The following ARHGEF4 variants were observed in gnomAD, a reference collection of about 807,000 sequenced individuals.
ARHGEF4 encodes Rho guanine nucleotide exchange factor 4.
ARHGEF4 carries 119 observed loss-of-function variants against 162.0 expected under a neutral mutation model. The ratio of observed to expected loss-of-function variants is 0.73; its 90% CI spans 0.63 to 0.86. The LOEUF is 0.86. Ranked by LOEUF, ARHGEF4 falls within the 40% of genes least tolerant of loss-of-function variation. The probability of loss-of-function intolerance (pLI) is 0.00; values close to 1 mark genes in which losing one functional copy is unlikely to be tolerated. For synonymous variants in ARHGEF4, 1,014 were observed against 979.9 expected (o/e 1.03, Z -0.65); for missense variants, 2,488 against 2,456.0 (o/e 1.01, Z -0.28).
In ARHGEF4 at chr2:130,917,540, G is replaced by A. The variant is rs753287449; in HGVS notation, c.3552+42G>A. On this transcript the variant is annotated intron_variant, in intron 2 of 13. Coordinates refer to ENST00000409359, the MANE Select transcript of ARHGEF4 (RefSeq NM_001367493.1). ...CACCAAGCCTTTCCTGACCTCTGCA[G>A]GCAAGAGAAGGAGGGGAGCAGGCGG... 587 of 1,500,928 alleles carry A rather than the reference G, an allele frequency of 3.9e-4. 2 individuals carry two copies. Among genetic ancestry groups the A allele is most frequent in the Non-Finnish European group, 3.3e-4 (368 of 1,125,592 alleles). 93.0% of individuals were successfully genotyped at this position (1,500,928 alleles called of 1,614,324 possible).
chr2:131,004,146 G>A (rs1211006114), intron 4 of ARHGEF4, among the ~76,000 whole-genome samples: 1 of 152,098 alleles, frequency 6.6e-6, no homozygotes, highest in Non-Finnish European at 1.5e-5. Flanking sequence ...AGGAATCTCT[G>A]TTAGTTGGTG....
At chr2:130,887,297 C>T (rs1389696947) in intron 1 of ARHGEF4, among the ~76,000 whole-genome samples, 1 of 151,628 alleles carries the variant, frequency 6.6e-6, no homozygotes, top group African/African-American at 2.4e-5. Flanking sequence ...TGCCCTTGCA[C>T]TCCAGCCTGG....
intron 2 of ARHGEF4, among the ~76,000 whole-genome samples, chr2:130,925,534 C>T (rs552196145): frequency 2.0e-5 from 3 of 151,802 alleles, no homozygotes; most frequent in South Asian, 4.2e-4. Flanking sequence ...TTCTCTCATT[C>T]TTCCTTTCTT....
chr2:130,936,563 AC>A (rs1299812727), intron 3 of ARHGEF4, among the ~76,000 whole-genome samples: 1 of 151,856 alleles, frequency 6.6e-6, no homozygotes, highest in Admixed American at 6.6e-5. Context: ...CTTCTGCTGA[AC>A]CTTTTTTTTC....
chr2:130,959,789 A>G (rs1315904952), intron 4 of ARHGEF4, among the ~76,000 whole-genome samples: 1 of 152,236 alleles, frequency 6.6e-6, no homozygotes, highest in Non-Finnish European at 1.5e-5. Flanking sequence ...TTGAACCCAC[A>G]TCACTCTGGC....
At chr2:130,901,445 GT>G (rs1680483532) in intron 1 of ARHGEF4, among the ~76,000 whole-genome samples, 1 of 152,036 alleles carries the variant, frequency 6.6e-6, no homozygotes, top group Admixed American at 6.5e-5. Flanking sequence ...AAGAGAGTCT[GT>G]TTGGCATCCA....
chr2:130,971,942 T>A (rs1253968958), intron 4 of ARHGEF4, among the ~76,000 whole-genome samples: 1 of 152,178 alleles, frequency 6.6e-6, no homozygotes, highest in Non-Finnish European at 1.5e-5. Context: ...CTTTCCTAAG[T>A]AAAATCTATA....
At chr2:130,899,868 G>A (rs1242100309) in intron 1 of ARHGEF4, among the ~76,000 whole-genome samples, 1 of 152,230 alleles carries the variant, frequency 6.6e-6, no homozygotes, top group Non-Finnish European at 1.5e-5. Context: ...GAGCAGTGGA[G>A]AAGCTTAGGT....
intron 4 of ARHGEF4, among the ~76,000 whole-genome samples, chr2:131,015,702 C>T (rs1456196001): frequency 6.6e-6 from 1 of 152,252 alleles, no homozygotes; most frequent in Non-Finnish European, 1.5e-5. Context: ...GCCTAGCGAA[C>T]ATGGCAAAAC....
At chr2:131,008,223 C>A (rs572076807) in intron 4 of ARHGEF4, among the ~76,000 whole-genome samples, 1 of 152,194 alleles carries the variant, frequency 6.6e-6, no homozygotes, top group South Asian at 2.1e-4. Flanking sequence ...TAATATTTTT[C>A]TATTAGAATC....
Position 131,043,492 on chromosome 2 carries a change from C to A in ARHGEF4, c.5066C>A (p.Ser1689Ter). The change falls in exon 11 of 14, where the codon TCG becomes TAG. Residue 1689 changes from serine to a stop codon, truncating the protein, a stop_gained. Coordinates refer to ENST00000409359, the MANE Select transcript of ARHGEF4 (RefSeq NM_001367493.1). LOFTEE classifies it high-confidence loss of function. ...GTCAGGAGCTCAGAACTCATCTACT[C>A]GGGGGAGCTGACTCGAGTTACACAG... ...LLVRSSELIY[S>*]GELTRVTQPQ... 1.9e-6 allele frequency: 3 copies of A among 1,614,036 alleles called. No homozygotes were observed. Among genetic ancestry groups the A allele is most frequent in the Non-Finnish European group, 2.5e-6 (3 of 1,180,020 alleles).
At chr2:130,881,410 G>A (rs1444478459) in intron 1 of ARHGEF4, among the ~76,000 whole-genome samples, 1 of 152,206 alleles carries the variant, frequency 6.6e-6, no homozygotes, top group Non-Finnish European at 1.5e-5. Flanking sequence ...TAAGATTAGT[G>A]TTGGGGGAGA....
intron 3 of ARHGEF4, among the ~76,000 whole-genome samples, chr2:130,939,949 C>A (rs1683190343): frequency 6.6e-6 from 1 of 152,164 alleles, no homozygotes; most frequent in Non-Finnish European, 1.5e-5. Flanking sequence ...TGTGACTCTG[C>A]TGAATTCATT....
chr2:130,912,811 C>T (rs1334667954), intron 1 of ARHGEF4, among the ~76,000 whole-genome samples: 1 of 152,186 alleles, frequency 6.6e-6, no homozygotes, highest in Non-Finnish European at 1.5e-5. Context: ...CCCAAAAGAA[C>T]ATTCAATAGT....
chr2:130,867,564 T>C (rs139248298), intron 1 of ARHGEF4, among the ~76,000 whole-genome samples: 3 of 152,178 alleles, frequency 2.0e-5, no homozygotes, highest in Non-Finnish European at 4.4e-5. Flanking sequence ...TTTCATTCAG[T>C]TCAAAATATT....
chr2:131,030,479 G>T (rs755104921), intron 5 of ARHGEF4, among the ~76,000 whole-genome samples: 9 of 152,206 alleles, frequency 5.9e-5, no homozygotes, highest in Non-Finnish European at 1.2e-4. Flanking sequence ...TTGCTGCTTT[G>T]CCTTAACGTT....
intron 9 of ARHGEF4, 157 bp downstream of exon 9, chr2:131,041,619 G>A: frequency 9.2e-7 from 1 of 1,087,526 alleles, no homozygotes; most frequent in Non-Finnish European, 1.3e-6. Flanking sequence ...GGGGGAAGAG[G>A]ATGCCAACAG....
intron 4 of ARHGEF4, among the ~76,000 whole-genome samples, chr2:130,966,601 T>C (rs1685019809): frequency 1.3e-5 from 2 of 152,218 alleles, no homozygotes; most frequent in East Asian, 3.9e-4. Context: ...CAGGCCCGGC[T>C]GGATGTAACG....
chr2:131,038,399 G>T (rs1690466325), intron 5 of ARHGEF4, among the ~76,000 whole-genome samples: 1 of 145,426 alleles, frequency 6.9e-6, no homozygotes, highest in Non-Finnish European at 1.5e-5. Context: ...CAGCCTTGCA[G>T]CCCTCAGCCT....
Sources: gnomAD v4.1 joint callset for allele counts (sites outside exome capture counted in the v4.1 genomes callset) on GRCh38, gnomAD v4.1.1 for gene constraint, MANE v1.5 for transcripts, NCBI Gene and HGNC (gene_info 2026-07-23, HGNC 2026-07-21) for gene names.